AGBL1: variants seen among roughly 807,000 people sequenced by gnomAD.
The protein encoded by AGBL1 is AGBL carboxypeptidase 1.
A neutral mutation model predicts 118.9 loss-of-function variants in AGBL1; 130 were observed. That is an observed-to-expected ratio of 1.09 (90% CI 0.95 to 1.26). The LOEUF is 1.26. AGBL1 is among the 50% of genes most tolerant of loss of function. The pLI, the probability that AGBL1 is intolerant of heterozygous loss-of-function variation, is 0.00. For missense variants in AGBL1, 1,584 were observed against 1,298.1 expected, an observed-to-expected ratio of 1.22 and a Z score of -3.38; for synonymous variants, 555 against 478.9, an observed-to-expected ratio of 1.16 and a Z score of -2.08.
intron 21 of AGBL1, among the ~76,000 whole-genome samples, chr15:86,659,592 A>G (rs556170138): frequency 2.0e-5 from 3 of 152,232 alleles, no homozygotes; most frequent in African/African-American, 7.2e-5. Flanking sequence ...TCTTTCATTG[A>G]CAATACATCC....
intron 5 of AGBL1, among the ~76,000 whole-genome samples, chr15:86,197,496 A>G (rs1188771021): frequency 6.6e-6 from 1 of 152,246 alleles, no homozygotes; most frequent in African/African-American, 2.4e-5. Context: ...TTTTGTGGAA[A>G]GTAGAACTGG....
At chr15:86,853,358 C>T (rs1311885044) in intron 22 of AGBL1, among the ~76,000 whole-genome samples, 1 of 151,654 alleles carries the variant, frequency 6.6e-6, no homozygotes, top group Admixed American at 6.6e-5. Context: ...GAGCTAATTA[C>T]CTTATTTTTT....
At chr15:86,482,648 TGAG>T (rs1281333027) in intron 18 of AGBL1, among the ~76,000 whole-genome samples, 2 of 152,046 alleles carry the variant, frequency 1.3e-5, no homozygotes, top group Admixed American at 1.3e-4. Flanking sequence ...CTGCATAACA[TGAG>T]GAGAGGAAAC....
chr15:86,236,936 GGGGGGCGGGGGGGGGC>G lies in AGBL1; in HGVS notation c.527-10729_527-10714del, dbSNP rs2078555853. ...ACACACACGGGGATATGTGGGCGGGGGGGGGCGGGGGGGGGCGGGGGGGCGCCAAGTTGCCAGGCAC... is the reference window on the plus strand; with the variant it reads ...ACACACACGGGGATATGTGGGCGGGGGGGGGGGCGCCAAGTTGCCAGGCAC... On this transcript the variant is annotated intron_variant, in intron 6 of 22. Coordinates refer to ENST00000614907, the MANE Select transcript of AGBL1 (RefSeq NM_001386094.1). 3.6e-3 allele frequency among the ~76,000 whole-genome samples: 270 copies of G among 74,296 alleles called. 2 individuals carry two copies. The highest frequency in any genetic ancestry group is 0.026 in the South Asian group (42 of 1,600). 48.7% of individuals were successfully genotyped at this position (74,296 alleles called of 152,430 possible). A position where few individuals can be genotyped will look rare whatever the true frequency, so the allele number is the denominator to read the frequency against.
chr15:86,972,118 A>T (rs931266012), intron 23 of AGBL1, among the ~76,000 whole-genome samples: 1 of 151,972 alleles, frequency 6.6e-6, no homozygotes, highest in African/African-American at 2.4e-5. Context: ...GAACTAATAC[A>T]CTGATGAATA....
At chr15:86,298,744 T>A (rs2079698009) in intron 17 of AGBL1, among the ~76,000 whole-genome samples, 1 of 152,102 alleles carries the variant, frequency 6.6e-6, no homozygotes, top group African/African-American at 2.4e-5. Flanking sequence ...TAAGGAGGCA[T>A]GAGTGGAAAT....
chr15:86,364,981 A>ATATATATATATATG (rs2080861626), intron 17 of AGBL1, among the ~76,000 whole-genome samples: 2 of 76,284 alleles, frequency 2.6e-5, no homozygotes, highest in African/African-American at 8.3e-5. Flanking sequence ...ATATATATAT[A>ATATATATATATATG]TATATATACA....
chr15:86,712,319 T>G (rs568171381), intron 22 of AGBL1, among the ~76,000 whole-genome samples: 3 of 152,280 alleles, frequency 2.0e-5, no homozygotes, highest in African/African-American at 7.2e-5. Context: ...TTATGTTTCT[T>G]TCTTTGCTTG....
intron 21 of AGBL1, among the ~76,000 whole-genome samples, chr15:86,625,364 CGTTTTTTTTTTTTTGTTTTT>C (rs1223261634): frequency 0.012 from 799 of 68,304 alleles, 84 homozygotes; most frequent in African/African-American, 0.033. Context: ...AAGAAATTAG[CGTTTTTTTTTTTTTGTTTTT>C]GTTTTTTTTT....
In AGBL1 at chr15:86,518,837, C is replaced by T. The variant is rs545655951; in HGVS notation, c.2556-3973C>T. Reference sequence around the variant, plus strand: ...GCAAGGTTATCACATCTCTGGTGTGCATTTGTTGAGAGAGTTACAGGGATG... The same window carrying T: ...GCAAGGTTATCACATCTCTGGTGTGTATTTGTTGAGAGAGTTACAGGGATG... On this transcript the variant is annotated intron_variant, in intron 18 of 22. Coordinates refer to ENST00000614907, the MANE Select transcript of AGBL1 (RefSeq NM_001386094.1). 2.6e-4 allele frequency among the ~76,000 whole-genome samples: 39 copies of T among 151,608 alleles called. No individual in the cohort carries two copies. The Middle Eastern group carries it at 0.01, about 40-fold the overall frequency.
chr15:86,227,130 A>G (rs908008964), intron 6 of AGBL1, among the ~76,000 whole-genome samples: 1 of 152,270 alleles, frequency 6.6e-6, no homozygotes, highest in African/African-American at 2.4e-5. Flanking sequence ...CCCTTCTACC[A>G]GAATCTAACA....
intron 18 of AGBL1, among the ~76,000 whole-genome samples, chr15:86,430,913 C>G (rs904335781): frequency 1.3e-5 from 2 of 152,118 alleles, no homozygotes; most frequent in African/African-American, 4.8e-5. Context: ...ACTACAAAAT[C>G]TCTTTTAATT....
intron 21 of AGBL1, among the ~76,000 whole-genome samples, chr15:86,563,530 T>C: frequency 6.6e-6 from 1 of 151,394 alleles, no homozygotes; most frequent in African/African-American, 2.4e-5. Flanking sequence ...ATTTCTGTTC[T>C]TTTACATTTG....
At chr15:87,005,525 T>C (rs1372011714) in intron 24 of AGBL1, among the ~76,000 whole-genome samples, 3 of 152,344 alleles carry the variant, frequency 2.0e-5, no homozygotes, top group South Asian at 4.1e-4. Flanking sequence ...TCTCGTGTCA[T>C]GGTTTTCAGC....
At chr15:86,654,931 T>C (rs1015298280) in intron 21 of AGBL1, among the ~76,000 whole-genome samples, 2 of 152,176 alleles carry the variant, frequency 1.3e-5, no homozygotes, top group Admixed American at 6.5e-5. Context: ...GGTTATGCTC[T>C]TTTATAATGT....
At chr15:86,788,479 A>T (rs554648440) in intron 22 of AGBL1, among the ~76,000 whole-genome samples, 1 of 152,296 alleles carries the variant, frequency 6.6e-6, no homozygotes, top group African/African-American at 2.4e-5. Context: ...GTACGGGACA[A>T]TATTGGAGCC....
At chr15:86,743,332 G>A (rs1457260585) in intron 22 of AGBL1, among the ~76,000 whole-genome samples, 1 of 152,042 alleles carries the variant, frequency 6.6e-6, no homozygotes, top group Non-Finnish European at 1.5e-5. Flanking sequence ...AGCCTAAGGG[G>A]GTTAAATGTT....
intron 24 of AGBL1, among the ~76,000 whole-genome samples, chr15:86,998,797 TA>T (rs1463239358): frequency 5.3e-5 from 8 of 152,120 alleles, no homozygotes; most frequent in African/African-American, 1.9e-4. Context: ...TCTGACAAGT[TA>T]GTTAGCTCAA....
At chr15:86,120,284 C>T (rs1898016467) in intron 1 of AGBL1, among the ~76,000 whole-genome samples, 1 of 152,148 alleles carries the variant, frequency 6.6e-6, no homozygotes, top group Non-Finnish European at 1.5e-5. Flanking sequence ...ATTCTCTCCC[C>T]AGCCTTGTCT....
Sources: allele counts gnomAD v4.1 joint callset (sites outside exome capture counted in the v4.1 genomes callset), GRCh38; gene constraint gnomAD v4.1.1; transcripts MANE v1.5; gene names NCBI Gene and HGNC (gene_info 2026-07-23, HGNC 2026-07-21).